Variants in AHNAK2 observed in about 807,000 individuals in gnomAD.
AHNAK2 encodes AHNAK nucleoprotein 2.
A neutral mutation model predicts 30.7 loss-of-function variants in AHNAK2; 18 were observed. The observed-to-expected ratio is 0.59, with a 90% CI of 0.41 to 0.87. The LOEUF (loss-of-function observed/expected upper bound fraction) is 0.87. Ranked by LOEUF, AHNAK2 falls within the 40% of genes least tolerant of loss-of-function variation. AHNAK2 has a pLI of 0.00. For synonymous variants in AHNAK2, 3,590 were observed against 3,073.8 expected, an observed-to-expected ratio of 1.17 and a Z score of -5.56; for missense variants, 8,604 against 7,373.0, an observed-to-expected ratio of 1.17 and a Z score of -6.11.
rs1207415712 is a variant in AHNAK2 at position 104,938,046 on chromosome 14, C to G, written c.*17G>C. ...CTTAGTTTTTTGCATCTCTCTTGTACTGATGAGCCATACCTCTCAGCCTTC... is the reference window on the plus strand; with the variant it reads ...CTTAGTTTTTTGCATCTCTCTTGTAGTGATGAGCCATACCTCTCAGCCTTC... On this transcript the variant is annotated 3_prime_UTR_variant, in exon 7 of 7. Coordinates refer to ENST00000333244, the MANE Select transcript of AHNAK2 (RefSeq NM_138420.4). 6.2e-7 allele frequency: 1 copy of G among 1,606,822 alleles called. No homozygotes were observed. The highest frequency in any genetic ancestry group is 8.5e-7 in the Non-Finnish European group (1 of 1,175,726).
At chr14:104,955,355 G>A (rs1898940190) in intron 5 of AHNAK2, 128 bp downstream of exon 5, 1 of 1,385,056 alleles carries the variant, frequency 7.2e-7, no homozygotes, top group East Asian at 2.3e-5. Flanking sequence ...GCCTCAAGCT[G>A]TTGAGCAGAG....
Position 104,953,490 on chromosome 14 carries a change from T to C in AHNAK2, c.1961A>G (p.Glu654Gly). Reference protein sequence around the residue: ...NTTKIQLIHDEKRLKKEQILT... With the variant: ...NTTKIQLIHDGKRLKKEQILT... ...AATTTGTTCCTTTTTTAAGCGTTTT[T>C]CATCGTGTATTAGTTGTATTTTTGT... The change falls in exon 7 of 7, where the codon GAA (glutamate) becomes GGA (glycine). Residue 654 changes from glutamate (E) to glycine (G), a missense_variant. Transcript: ENST00000333244. The C allele has an allele frequency of 6.2e-7, 1 of 1,614,012 alleles. No individual in the cohort carries two copies. The highest frequency in any genetic ancestry group is 8.5e-7 in the Non-Finnish European group (1 of 1,179,882).
chr14:104,975,808 C>G (rs140163890), intron 1 of AHNAK2, among the ~76,000 whole-genome samples: 1 of 152,336 alleles, frequency 6.6e-6, no homozygotes, highest in East Asian at 1.9e-4. Flanking sequence ...GCTAGCAGCA[C>G]AGGCAGCTGC....
In AHNAK2 at chr14:104,954,777, C is replaced by A. The variant is rs1012555524; in HGVS notation, c.674G>T (p.Cys225Phe). ...EKEDTDVADG[C>F]RETPTKTLEG... ...CAGAGTTTTCGTGGGGGTCTCTCTG[C>A]ACCCATCAGCAACATCCGTGTCCTG... is the stretch of plus-strand genomic sequence containing the variant. The change falls in exon 7 of 7, where the codon TGC becomes TTC. Residue 225 changes from cysteine (C) to phenylalanine (F), a missense_variant. Cys to Phe is a radical substitution (Grantham distance 205, BLOSUM62 -2). Transcript: ENST00000333244. The surrounding 1 kb of genome is among the most constrained non-coding windows in gnomAD (Gnocchi z 4.3). 1.9e-6 allele frequency: 3 copies of A among 1,580,020 alleles called. No individual in the cohort carries two copies. The highest frequency in any genetic ancestry group is 2.6e-6 in the Non-Finnish European group (3 of 1,163,194).
rs1261399340 is a variant in AHNAK2, at chr14:104,946,162, C to T, written c.9289G>A (p.Val3097Met). 9 of 1,612,176 alleles carry T rather than the reference C, an allele frequency of 5.6e-6. No homozygotes were observed. Among genetic ancestry groups the T allele is most frequent in the African/African-American group, 2.7e-5 (2 of 74,516 alleles). The change falls in exon 7 of 7, where the codon GTG (valine) becomes ATG (methionine). Residue 3097 changes from valine (V) to methionine (M), a missense_variant. Physicochemically the swap from Val to Met is conservative, Grantham distance 21. Transcript: ENST00000333244. ...GACACCTCCACGTCGGGGGCCGTCA[C>T]GTCCGTCTTCGGGCCTTTCAGGTCC... ...KLDLKGPKTD[V>M]TAPDVEVSQP...
chr14:104,973,064 TC>T (rs1220759967), intron 1 of AHNAK2, among the ~76,000 whole-genome samples: 2 of 152,190 alleles, frequency 1.3e-5, no homozygotes, highest in African/African-American at 2.4e-5. Context: ...CTGCCTCAGT[TC>T]CCGGGGGCCC....
chr14:104,950,076 T>C lies in AHNAK2; in HGVS notation c.5375A>G (p.Asp1792Gly). ...VEVSLPSVEV[D>G]VEAPGAKLDS... ...CAGCTTGGCTCCTGGAGCCTCGACG[T>C]CCACCTCCACGCTGGGCAGAGACAC... is the stretch of plus-strand genomic sequence containing the variant. The change falls in exon 7 of 7, where the codon GAC becomes GGC. Residue 1792 changes from aspartate to glycine, a missense_variant. Coordinates refer to ENST00000333244, the MANE Select transcript of AHNAK2 (RefSeq NM_138420.4). 6.3e-7 allele frequency: 1 copy of C among 1,586,864 alleles called. No individual in the cohort carries two copies. Among genetic ancestry groups the C allele is most frequent in the Non-Finnish European group, 8.6e-7 (1 of 1,163,086 alleles).
At chr14:104,978,078 GC>G in intron 1 of AHNAK2, 104 bp downstream of exon 1, 1 of 961,908 alleles carries the variant, frequency 1.0e-6, no homozygotes, top group Non-Finnish European at 1.3e-6. Flanking sequence ...CGAGTCCCCC[GC>G]CCCCAAGGCC....
At position 104,950,413 on chromosome 14, in the gene AHNAK2, A is replaced by T. The variant is rs578240828; in HGVS notation, c.5038T>A (p.Ser1680Thr). ...ACCTTCGGCTCAGACACATCCACCG[A>T]GGCCTCGATGGACTTGCCTGGGGCC... ...VSAPGKSIEA[S>T]VDVSEPKVEA... The change falls in exon 7 of 7, where the codon TCG (serine) becomes ACG (threonine). Residue 1680 changes from serine (S) to threonine (T), a missense_variant. By Grantham distance (58) the Ser-to-Thr change is moderately conservative. Transcript: ENST00000333244. 3.8e-6 allele frequency: 6 copies of T among 1,586,600 alleles called. No homozygotes were observed. In the East Asian group the frequency reaches 9.1e-5, roughly 24 times the overall value.
chr14:104,939,898 A>C lies in AHNAK2; in HGVS notation c.15553T>G (p.Ser5185Ala), dbSNP rs78014542. The change falls in exon 7 of 7, where the codon TCG (serine) becomes GCG (alanine). Residue 5185 changes from serine to alanine, a missense_variant. Transcript: ENST00000333244. ...SPEEEAMTKY[S>A]QESWFKMPKF... The stretch of plus-strand genomic sequence containing the variant: ...GGCATTTTAAACCAGCTTTCCTGCG[A>C]GTACTTGGTCATGGCTTCCTCCTCT... 0.022 allele frequency: 36,287 copies of C among 1,613,410 alleles called. 504 individuals are homozygous for C. The highest frequency in any genetic ancestry group is 0.027 in the Non-Finnish European group (31,866 of 1,179,890).
chr14:104,973,888 G>A (rs113674309), intron 1 of AHNAK2, among the ~76,000 whole-genome samples: 2,516 of 151,778 alleles, frequency 0.017, 65 homozygotes, highest in African/African-American at 0.057. Context: ...ACCCGCAGCC[G>A]GAGGGGAGGG....
At position 104,940,519 on chromosome 14, in the gene AHNAK2, C is replaced by G. The variant is rs371669838; in HGVS notation, c.14932G>C (p.Glu4978Gln). Residue 4978 changes from glutamate to glutamine, a missense_variant, in exon 7 of 7, where the codon GAA (glutamate) becomes CAA (glutamine). Physicochemically the swap from Glu to Gln is conservative, Grantham distance 29. Coordinates refer to ENST00000333244, the MANE Select transcript of AHNAK2 (RefSeq NM_138420.4). This position sits in a 1 kb window ranked among gnomAD's most constrained non-coding sequence, Gnocchi z 4.4. ...KKETGPKVDPECSVEDSKLSL... is the reference protein window; with the variant it reads ...KKETGPKVDPQCSVEDSKLSL... ...AGTTTTGAGTCCTCCACGCTGCATT[C>G]TGGGTCCACCTTTGGCCCTGTTTCC... 1 of 1,613,666 alleles carries G rather than the reference C, an allele frequency of 6.2e-7. No individual in the cohort carries two copies. Among genetic ancestry groups the G allele is most frequent in the African/African-American group, 1.3e-5 (1 of 74,940 alleles).
In AHNAK2 at chr14:104,966,176, G is replaced by T. The variant is rs991199467; in HGVS notation, c.56-8504C>A. 6.6e-6 allele frequency among the ~76,000 whole-genome samples: 1 copy of T among 152,138 alleles called. No homozygotes were observed. Among genetic ancestry groups the T allele is most frequent in the African/African-American group, 2.4e-5 (1 of 41,422 alleles). On this transcript the variant is annotated intron_variant, in intron 1 of 6. Transcript: ENST00000333244. This position sits in a 1 kb window ranked among gnomAD's most constrained non-coding sequence, Gnocchi z 4.3. The stretch of plus-strand genomic sequence containing the variant: ...AGGGCAGGAGGTGAGGGCAGGCAGG[G>T]CTGGGTCAGTGCCAGGAGGCATCAA...
Position 104,947,056 on chromosome 14 carries a change from G to T in AHNAK2, c.8395C>A (p.Leu2799Met), listed in dbSNP as rs761995036. ...GTCATGCCCTTGTCGGCCAGGGACAGGTCCCCCTCCAGCCGCGCACCATCC... is the reference window on the plus strand; with the variant it reads ...GTCATGCCCTTGTCGGCCAGGGACATGTCCCCCTCCAGCCGCGCACCATCC... ...KLDGARLEGD[L>M]SLADKGMTAK... Residue 2799 changes from leucine to methionine, a missense_variant, in exon 7 of 7, where the codon CTG becomes ATG. Leu to Met is a conservative substitution (Grantham distance 15). Transcript: ENST00000333244. The T allele has an allele frequency of 2.5e-6, 4 of 1,612,432 alleles. No individual in the cohort carries two copies. The highest frequency in any genetic ancestry group is 2.7e-5 in the African/African-American group (2 of 74,168).
chr14:104,973,068 G>A (rs1056697643), intron 1 of AHNAK2, among the ~76,000 whole-genome samples: 5 of 152,226 alleles, frequency 3.3e-5, no homozygotes, highest in African/African-American at 4.8e-5. Context: ...CTCAGTTCCC[G>A]GGGGCCCCAC....
chr14:104,972,817 A>C (rs1566927413), intron 1 of AHNAK2, among the ~76,000 whole-genome samples: 1 of 152,140 alleles, frequency 6.6e-6, no homozygotes, highest in Non-Finnish European at 1.5e-5. Context: ...CCCGCCAGGC[A>C]CTCAGAACCG....
intron 1 of AHNAK2, among the ~76,000 whole-genome samples, chr14:104,961,494 G>A (rs192274376): frequency 6.7e-6 from 1 of 148,640 alleles, no homozygotes. Flanking sequence ...CAGCCTGGGT[G>A]ACAGCGAGAC....
chr14:104,959,568 T>C (rs1253783333), intron 1 of AHNAK2, among the ~76,000 whole-genome samples: 1 of 152,020 alleles, frequency 6.6e-6, no homozygotes, highest in African/African-American at 2.4e-5. Flanking sequence ...GCCTGAGAGG[T>C]TGAGGCTGCA....
In AHNAK2 at chr14:104,941,238, G is replaced by T. The variant is rs2140819514; in HGVS notation, c.14213C>A (p.Ser4738Tyr). ...TAATTCAAAACTTGAGCATTCTGAA[G>T]ATGATAAAGGAATCGTGGAAAGACC... ...SIGLSTIPLS[S>Y]SECSSFELQQ... The change falls in exon 7 of 7, where the codon TCT becomes TAT. Residue 4738 changes from serine (S) to tyrosine (Y), a missense_variant. Ser to Tyr is a moderately radical substitution (Grantham distance 144). Coordinates refer to ENST00000333244, the MANE Select transcript of AHNAK2 (RefSeq NM_138420.4). 6.2e-7 allele frequency: 1 copy of T among 1,613,650 alleles called. No homozygotes were observed. Among genetic ancestry groups the T allele is most frequent in the Non-Finnish European group, 8.5e-7 (1 of 1,179,902 alleles).
Sources: allele counts gnomAD v4.1 joint callset (sites outside exome capture counted in the v4.1 genomes callset), GRCh38; gene constraint gnomAD v4.1.1; non-coding constraint Gnocchi (gnomAD v3.1); transcripts MANE v1.5; gene names NCBI Gene and HGNC (gene_info 2026-07-23, HGNC 2026-07-21).